CPQ: variants seen among roughly 807,000 people sequenced by gnomAD.
The protein encoded by CPQ is carboxypeptidase Q, also known as Ser-Met dipeptidase.
In CPQ, 37 loss-of-function variants were observed where a neutral mutation model predicts 45.7. The observed-to-expected ratio is 0.81, with a 90% CI of 0.62 to 1.07. The LOEUF (loss-of-function observed/expected upper bound fraction) is 1.07. Among genes scored for constraint, CPQ ranks in the 50% least tolerant of loss-of-function variants. The probability of loss-of-function intolerance (pLI) is 0.00; values close to 1 mark genes in which losing one functional copy is unlikely to be tolerated. For synonymous variants in CPQ, 186 were observed against 205.8 expected, an observed-to-expected ratio of 0.90 and a Z score of 0.82; for missense variants, 537 against 572.9, an observed-to-expected ratio of 0.94 and a Z score of 0.64.
intron 1 of CPQ, among the ~76,000 whole-genome samples, chr8:96,746,914 C>T (rs1330319230): frequency 1.3e-5 from 2 of 152,140 alleles, no homozygotes; most frequent in African/African-American, 2.4e-5. Flanking sequence ...GCCAAATGTG[C>T]GTTCCAAAAT....
chr8:96,891,947 A>AT (rs1812382609), intron 4 of CPQ, among the ~76,000 whole-genome samples: 3 of 152,122 alleles, frequency 2.0e-5, no homozygotes, highest in Admixed American at 6.6e-5. Flanking sequence ...CATGCTAGAG[A>AT]TTATAAGGAT....
chr8:96,724,549 G>A (rs1809810142), intron 1 of CPQ, among the ~76,000 whole-genome samples: 1 of 151,226 alleles, frequency 6.6e-6, no homozygotes, highest in African/African-American at 2.4e-5. Context: ...ATCTAACAAA[G>A]GAGGTGAAAG....
intron 1 of CPQ, among the ~76,000 whole-genome samples, chr8:96,664,330 T>A (rs991550254): frequency 1.3e-5 from 2 of 152,144 alleles, no homozygotes; most frequent in Non-Finnish European, 2.9e-5. Context: ...AGAAGAACTT[T>A]AAGGTGAGGA....
intron 1 of CPQ, among the ~76,000 whole-genome samples, chr8:96,750,648 T>A (rs1395055370): frequency 6.6e-6 from 1 of 151,960 alleles, no homozygotes; most frequent in East Asian, 1.9e-4. Context: ...TATTTTAAGT[T>A]CTGGGTTACT....
intron 6 of CPQ, among the ~76,000 whole-genome samples, chr8:97,035,697 TTTGTA>T (rs71569193): frequency 0.73 from 110,107 of 151,324 alleles, 40,261 homozygotes; most frequent in African/African-American, 0.79. Flanking sequence ...TGTTTGTTTG[TTTGTA>T]TTGTTTTGTT....
intron 5 of CPQ, among the ~76,000 whole-genome samples, chr8:96,985,478 T>C (rs1326914869): frequency 6.6e-6 from 1 of 152,202 alleles, no homozygotes; most frequent in Admixed American, 6.6e-5. Flanking sequence ...TTCAATTTAT[T>C]TCTCTTTGGT....
At chr8:97,048,424 T>G (rs1810298013) in intron 6 of CPQ, among the ~76,000 whole-genome samples, 1 of 152,206 alleles carries the variant, frequency 6.6e-6, no homozygotes, top group Non-Finnish European at 1.5e-5. Context: ...CATTTAAATA[T>G]TACTTGCAAA....
intron 1 of CPQ, among the ~76,000 whole-genome samples, chr8:96,704,511 A>C (rs1347554567): frequency 6.6e-6 from 1 of 152,208 alleles, no homozygotes; most frequent in East Asian, 1.9e-4. Context: ...AGGAGTAAGC[A>C]GCAACTAAAT....
intron 4 of CPQ, among the ~76,000 whole-genome samples, chr8:96,900,010 C>G (rs1308343164): frequency 6.6e-6 from 1 of 152,134 alleles, no homozygotes; most frequent in Non-Finnish European, 1.5e-5. Context: ...TTTTGATCCT[C>G]TTCTTCAAAT....
intron 4 of CPQ, among the ~76,000 whole-genome samples, chr8:96,938,530 C>A (rs567403184): frequency 6.6e-6 from 1 of 151,920 alleles, no homozygotes; most frequent in Non-Finnish European, 1.5e-5. Flanking sequence ...TCTGAAGGGG[C>A]ACAGAGAGGA....
chr8:96,996,937 A>T (rs756482936), intron 5 of CPQ, among the ~76,000 whole-genome samples: 3 of 152,002 alleles, frequency 2.0e-5, no homozygotes, highest in Non-Finnish European at 4.4e-5. Context: ...TTCTACCAGG[A>T]GGAGCCAGTG....
chr8:96,667,220 TA>T (rs1808936321), intron 1 of CPQ, among the ~76,000 whole-genome samples: 1 of 152,208 alleles, frequency 6.6e-6, no homozygotes, highest in South Asian at 2.1e-4. Context: ...TGCATTTTAT[TA>T]AAGATATTTG....
chr8:96,956,852 A>G (rs913750444), intron 4 of CPQ, among the ~76,000 whole-genome samples: 1 of 152,204 alleles, frequency 6.6e-6, no homozygotes, highest in African/African-American at 2.4e-5. Flanking sequence ...ATTAACTGCG[A>G]TGACCGGGCT....
In CPQ at chr8:96,788,815, CTTTA is replaced by C. The variant is rs1246305058; in HGVS notation, c.433+3488_433+3491del. Among the ~76,000 whole-genome samples the C allele has an allele frequency of 3.3e-5, 5 of 151,370 alleles. No individual in the cohort carries two copies. The East Asian group carries it at 9.7e-4, about 29-fold the overall frequency. ...TTTCTCTTATGCTCTGCTCATTTTTCTTTATTCTTTATTTTCTTTGTTCTTCAGA... is the reference window on the plus strand; with the variant it reads ...TTTCTCTTATGCTCTGCTCATTTTTCTTCTTTATTTTCTTTGTTCTTCAGA... On this transcript the variant is annotated intron_variant, in intron 2 of 7. Coordinates refer to ENST00000220763, the MANE Select transcript of CPQ (RefSeq NM_016134.4).
At chr8:96,943,857 A>G (rs1350353476) in intron 4 of CPQ, among the ~76,000 whole-genome samples, 1 of 152,172 alleles carries the variant, frequency 6.6e-6, no homozygotes, top group Non-Finnish European at 1.5e-5. Flanking sequence ...GGGTTTGACA[A>G]AGTAATAGTT....
At chr8:97,082,194 C>T (rs1187624289) in intron 7 of CPQ, among the ~76,000 whole-genome samples, 2 of 152,188 alleles carry the variant, frequency 1.3e-5, no homozygotes, top group Non-Finnish European at 2.9e-5. Context: ...CTCTCTTTCT[C>T]TCTCTGGGGC....
At chr8:96,652,483 T>C (rs560402249) in intron 1 of CPQ, among the ~76,000 whole-genome samples, 43 of 152,362 alleles carry the variant, frequency 2.8e-4, no homozygotes, top group African/African-American at 9.9e-4. Context: ...TCTTTGGCTA[T>C]GTACTTAGAA....
At chr8:97,024,262 G>A (rs1396838993) in intron 5 of CPQ, among the ~76,000 whole-genome samples, 1 of 152,164 alleles carries the variant, frequency 6.6e-6, no homozygotes. Context: ...CCTCCAGTTC[G>A]AGGAAACGGG....
At chr8:97,132,249 T>C (rs967515337) in intron 7 of CPQ, among the ~76,000 whole-genome samples, 1 of 152,146 alleles carries the variant, frequency 6.6e-6, no homozygotes, top group African/African-American at 2.4e-5. Context: ...TTGTGACCTA[T>C]CTCATATTAC....
Sources: allele counts gnomAD v4.1 joint callset (sites outside exome capture counted in the v4.1 genomes callset), GRCh38; gene constraint gnomAD v4.1.1; transcripts MANE v1.5; gene names NCBI Gene and HGNC (gene_info 2026-07-23, HGNC 2026-07-21).